Variants in PLEKHA5 observed in about 807,000 individuals in gnomAD.
PLEKHA5 encodes pleckstrin homology domain containing A5.
Under a neutral mutation model 181.9 loss-of-function variants are expected in PLEKHA5, and 55 were observed. That is an observed-to-expected ratio of 0.30 (90% confidence interval 0.24 to 0.38). The LOEUF (loss-of-function observed/expected upper bound fraction) is 0.38, where lower values mean the gene tolerates loss of function less well. Ranked by LOEUF, PLEKHA5 falls within the 10% of genes least tolerant of loss-of-function variation. PLEKHA5 has a pLI of 1.00. For missense variants in PLEKHA5, 1,432 were observed against 1,549.5 expected, an observed-to-expected ratio of 0.92 and a Z score of 1.27; for synonymous variants, 535 against 529.4, an observed-to-expected ratio of 1.01 and a Z score of -0.15.
chr12:19,271,075 GC>G (rs374216298), intron 10 of PLEKHA5, among the ~76,000 whole-genome samples: 2 of 152,316 alleles, frequency 1.3e-5, no homozygotes, highest in African/African-American at 4.8e-5. Context: ...AACCACTTTT[GC>G]CACATGCATA....
intron 3 of PLEKHA5, among the ~76,000 whole-genome samples, chr12:19,135,433 G>A (rs1234340483): frequency 6.6e-6 from 1 of 152,032 alleles, no homozygotes; most frequent in Non-Finnish European, 1.5e-5. Context: ...ATTTTGTACT[G>A]TTCTGGGATT....
intron 3 of PLEKHA5, among the ~76,000 whole-genome samples, chr12:19,219,147 TATACTAAGGGCTGACTTTTCAC>T (rs2058536225): frequency 1.3e-5 from 2 of 152,072 alleles, no homozygotes; most frequent in Admixed American, 1.3e-4. Context: ...AAAATCTGCA[TATACTAAGGGCTGACTTTTCAC>T]ATACATGGGC....
At chr12:19,372,991 C>G (rs1012549245) in intron 31 of PLEKHA5, 9 of 152,180 alleles carry the variant, frequency 5.9e-5, no homozygotes, top group Non-Finnish European at 1.3e-4. Context: ...TGGTCTCAAA[C>G]TCCTGAGCTC....
intron 10 of PLEKHA5, 92 bp downstream of exon 10, chr12:19,270,297 T>G (rs1174625862): frequency 1.6e-6 from 1 of 618,646 alleles, no homozygotes; most frequent in East Asian, 3.2e-5. Context: ...GAAGAGAGTT[T>G]ATTTTTATGA....
intron 3 of PLEKHA5, among the ~76,000 whole-genome samples, chr12:19,157,408 A>G (rs1366446315): frequency 6.6e-6 from 1 of 151,984 alleles, no homozygotes; most frequent in Non-Finnish European, 1.5e-5. Flanking sequence ...AATTTCTCTA[A>G]TATCTACCAT....
chr12:19,337,030 C>T (rs1339715585), intron 21 of PLEKHA5, among the ~76,000 whole-genome samples: 1 of 144,554 alleles, frequency 6.9e-6, no homozygotes, highest in African/African-American at 2.6e-5. Context: ...TCTTGTTGCC[C>T]AGGCTGGAGT....
intron 3 of PLEKHA5, among the ~76,000 whole-genome samples, chr12:19,163,633 T>G (rs1372794783): frequency 3.3e-5 from 5 of 152,116 alleles, no homozygotes; most frequent in Non-Finnish European, 5.9e-5. Flanking sequence ...TAACTTCTTG[T>G]TTGTGATTTT....
intron 3 of PLEKHA5, among the ~76,000 whole-genome samples, chr12:19,235,248 CAGTTTCATATGA>C (rs1207637040): frequency 1.3e-5 from 2 of 152,078 alleles, no homozygotes. Context: ...TTTGTTACAG[CAGTTTCATATGA>C]AAGGAATTTG....
At chr12:19,275,627 A>C (rs867069011) in intron 11 of PLEKHA5, among the ~76,000 whole-genome samples, 14 of 152,244 alleles carry the variant, frequency 9.2e-5, no homozygotes, top group Non-Finnish European at 2.9e-5. Flanking sequence ...TTAGCCAAGC[A>C]TAGTGGTGCA....
Position 19,255,087 on chromosome 12 carries a change from A to G in PLEKHA5, c.354A>G (p.Pro118=), listed in dbSNP as rs746815652. 1.2e-6 allele frequency: 2 copies of G among 1,609,870 alleles called. No individual in the cohort carries two copies. The highest frequency in any genetic ancestry group is 1.3e-5 in the African/African-American group (1 of 74,846). Residue 118 remains proline (P), a synonymous_variant, in exon 5 of 32, where the codon CCA becomes CCG. Coordinates refer to ENST00000429027, the MANE Select transcript of PLEKHA5 (RefSeq NM_001256470.2). ...CATCTGAAGAAAAGAAGGAACGGCC[A>G]ATAAGTATGATAAATGAAGCTTCTA... ...TMTSEEKKER[P]ISMINEASNY...
chr12:19,245,909 A>T (rs1026357388), intron 3 of PLEKHA5, among the ~76,000 whole-genome samples: 1 of 151,758 alleles, frequency 6.6e-6, no homozygotes, highest in Non-Finnish European at 1.5e-5. Context: ...TCTCTTTGAA[A>T]TCATAAGTAT....
chr12:19,306,763 G>T (rs1004881220), intron 15 of PLEKHA5: 7 of 976,670 alleles, frequency 7.2e-6, no homozygotes, highest in Non-Finnish European at 1.2e-5. Context: ...TTTGCCAATC[G>T]CAATCTCGTT....
intron 3 of PLEKHA5, among the ~76,000 whole-genome samples, chr12:19,174,311 C>T (rs1443138592): frequency 6.6e-6 from 1 of 152,086 alleles, no homozygotes; most frequent in African/African-American, 2.4e-5. Context: ...ATCAGAAAAT[C>T]GCACTGGAGG....
chr12:19,291,601 ATCC>A, intron 14 of PLEKHA5, 40 bp from the exon 15 acceptor site: 2 of 1,198,196 alleles, frequency 1.7e-6, no homozygotes, highest in South Asian at 2.8e-5. Context: ...TGAATTCCAC[ATCC>A]TCTTTCTCTG....
rs146920480 is a variant in PLEKHA5 at position 19,309,822 on chromosome 12, A to G, written c.2038-4992A>G. Among the ~76,000 whole-genome samples, 123 of 152,296 alleles carry G rather than the reference A, an allele frequency of 8.1e-4. 1 individual carries two copies. The highest frequency in any genetic ancestry group is 1.2e-3 in the Admixed American group (18 of 15,302). On this transcript the variant is annotated intron_variant, in intron 15 of 31. Coordinates refer to ENST00000429027, the MANE Select transcript of PLEKHA5 (RefSeq NM_001256470.2). Reference sequence around the variant, plus strand: ...ACTGCAGTAGTATTCTTAGGCACACAGTGATTTCATGTTATATATGCAAAG... The same window carrying G: ...ACTGCAGTAGTATTCTTAGGCACACGGTGATTTCATGTTATATATGCAAAG...
In PLEKHA5 at chr12:19,172,916, G is replaced by A. The variant is rs1294701741; in HGVS notation, c.227+40466G>A. ...AGTAGTGGTGGTGATCATTCTCCTC[G>A]TGTCTCGGGTATGTTTTGCATCTGA... On this transcript the variant is annotated intron_variant, in intron 3 of 31. Transcript: ENST00000429027. Among the ~76,000 whole-genome samples, 4 of 146,456 alleles carry A rather than the reference G, an allele frequency of 2.7e-5. No homozygotes were observed. The East Asian group carries it at 8.0e-4, about 29-fold the overall frequency.
chr12:19,243,960 A>G (rs2063154249), intron 3 of PLEKHA5, among the ~76,000 whole-genome samples: 1 of 152,228 alleles, frequency 6.6e-6, no homozygotes, highest in Admixed American at 6.5e-5. Flanking sequence ...TAAATTGCAG[A>G]AACTGTCTTT....
chr12:19,228,041 G>T (rs551704259), intron 3 of PLEKHA5, among the ~76,000 whole-genome samples: 14 of 152,238 alleles, frequency 9.2e-5, no homozygotes, highest in African/African-American at 3.1e-4. Flanking sequence ...TAATTGTTGT[G>T]GTGGGTCCTT....
intron 29 of PLEKHA5, among the ~76,000 whole-genome samples, chr12:19,363,508 T>C (rs1364010232): frequency 1.3e-5 from 2 of 151,280 alleles, no homozygotes; most frequent in Admixed American, 6.6e-5. Flanking sequence ...TTTTTTTTTT[T>C]TGAGACAGAG....
Sources: allele counts gnomAD v4.1 joint callset (sites outside exome capture counted in the v4.1 genomes callset), GRCh38; gene constraint gnomAD v4.1.1; transcripts MANE v1.5; gene names NCBI Gene and HGNC (gene_info 2026-07-23, HGNC 2026-07-21).